The following MYT1L variants were observed in gnomAD, a reference collection of about 807,000 sequenced individuals.
The protein encoded by MYT1L is myelin transcription factor 1 like, also known as myelin transcription factor 1-like protein.
A neutral mutation model predicts 126.7 loss-of-function variants in MYT1L; 12 were observed. The ratio of observed to expected loss-of-function variants is 0.09; its 90% CI spans 0.06 to 0.15. The LOEUF (loss-of-function observed/expected upper bound fraction) is 0.15, where lower values mean the gene tolerates loss of function less well. Among genes scored for constraint, MYT1L ranks in the 10% least tolerant of loss-of-function variants. The pLI is 1.00. For synonymous variants in MYT1L, 541 were observed against 604.2 expected (o/e 0.90, Z 1.53); for missense variants, 979 against 1,585.2 (o/e 0.62, Z 6.49).
intron 3 of MYT1L, among the ~76,000 whole-genome samples, chr2:2,155,399 T>C (rs975778067): frequency 2.0e-5 from 3 of 152,148 alleles, no homozygotes; most frequent in African/African-American, 7.2e-5. Context: ...ATATAAGCCA[T>C]GTAAGATGAA....
chr2:2,275,535 G>T (rs1204974402), intron 2 of MYT1L, among the ~76,000 whole-genome samples: 1 of 152,034 alleles, frequency 6.6e-6, no homozygotes, highest in Non-Finnish European at 1.5e-5. Context: ...GAGGGAAAGT[G>T]GTTTCCTAGA....
At chr2:2,010,474 G>A (rs1208649982) in intron 4 of MYT1L, among the ~76,000 whole-genome samples, 3 of 152,074 alleles carry the variant, frequency 2.0e-5, no homozygotes, top group Non-Finnish European at 4.4e-5. Context: ...ACAGCAGTGT[G>A]CTAGGAAGAA....
chr2:1,807,443 A>C (rs2035894320), intron 22 of MYT1L, among the ~76,000 whole-genome samples: 1 of 152,058 alleles, frequency 6.6e-6, no homozygotes, highest in Non-Finnish European at 1.5e-5. Flanking sequence ...GCCCTTTGGT[A>C]AAGGTACAGC....
Position 1,889,340 on chromosome 2 carries a change from C to G in MYT1L, c.2421G>C (p.Arg807=). The change falls in exon 16 of 25, where the codon CGG becomes CGC. Residue 807 remains arginine, a synonymous_variant. Coordinates refer to ENST00000647738, the MANE Select transcript of MYT1L (RefSeq NM_001303052.2). The surrounding 1 kb of genome is among the most constrained non-coding windows in gnomAD (Gnocchi z 4.1). ...SPQQQAVMNN[R]CFQLGEGDCW... ...AGTCGCCCTCGCCCAGCTGGAAACA[C>G]CGGTTGTTCATCACTGCCTGCTGCT... The G allele has an allele frequency of 6.2e-7, 1 of 1,613,932 alleles. No individual in the cohort carries two copies. The highest frequency in any genetic ancestry group is 8.5e-7 in the Non-Finnish European group (1 of 1,179,906).
chr2:2,132,849 T>A, intron 3 of MYT1L, among the ~76,000 whole-genome samples: 1 of 152,172 alleles, frequency 6.6e-6, no homozygotes, highest in Non-Finnish European at 1.5e-5. Flanking sequence ...TCAAGGCATC[T>A]ATGGAATCAG....
chr2:1,862,878 G>C (rs921856881), intron 18 of MYT1L, among the ~76,000 whole-genome samples: 1 of 152,150 alleles, frequency 6.6e-6, no homozygotes, highest in South Asian at 2.1e-4. Context: ...AGAGAGGTGA[G>C]TAGGGAAGAT....
chr2:2,126,214 G>A (rs911902479), intron 3 of MYT1L, among the ~76,000 whole-genome samples: 4 of 152,172 alleles, frequency 2.6e-5, no homozygotes, highest in African/African-American at 7.2e-5. Context: ...GCCCACGACT[G>A]CCTTTTTAGG....
intron 3 of MYT1L, among the ~76,000 whole-genome samples, chr2:2,070,983 A>G (rs2150230985): frequency 6.6e-6 from 1 of 152,324 alleles, no homozygotes; most frequent in East Asian, 1.9e-4. Context: ...AATACAAGGT[A>G]AGAATGATTA....
In MYT1L at chr2:2,257,873, A is replaced by G. The variant is rs1335355622; in HGVS notation, c.-421+26531T>C. Among the ~76,000 whole-genome samples the G allele has an allele frequency of 2.7e-5, 4 of 147,950 alleles. No individual in the cohort carries two copies. In the South Asian group the frequency reaches 6.5e-4, roughly 24 times the overall value. ...CATCAAGCTACCAATGACTTTCTTC[A>G]CAGAATTGGAAAAAACTACTTTAAA... On this transcript the variant is annotated intron_variant, in intron 2 of 24. Transcript: ENST00000647738.
intron 2 of MYT1L, among the ~76,000 whole-genome samples, chr2:2,205,417 G>C (rs1341094494): frequency 6.6e-6 from 1 of 152,084 alleles, no homozygotes; most frequent in Non-Finnish European, 1.5e-5. Flanking sequence ...GATTCTAGTA[G>C]GATGTAAGTA....
At chr2:1,940,161 T>A (rs979308115) in intron 9 of MYT1L, among the ~76,000 whole-genome samples, 5 of 152,244 alleles carry the variant, frequency 3.3e-5, no homozygotes, top group African/African-American at 9.6e-5. Context: ...TGCACCTGTC[T>A]CACACTGGTA....
intron 4 of MYT1L, among the ~76,000 whole-genome samples, chr2:2,029,607 C>G (rs886475941): frequency 1.3e-5 from 2 of 152,144 alleles, no homozygotes; most frequent in South Asian, 4.1e-4. Context: ...AAAGCCGTAT[C>G]GATGTGCATA....
intron 3 of MYT1L, among the ~76,000 whole-genome samples, chr2:2,127,466 T>G (rs1316973871): frequency 1.3e-5 from 2 of 152,202 alleles, no homozygotes; most frequent in African/African-American, 4.8e-5. Context: ...ATTTTGTAAC[T>G]CTACAAAGCT....
intron 18 of MYT1L, among the ~76,000 whole-genome samples, chr2:1,856,373 C>T (rs1471029443): frequency 1.3e-5 from 2 of 152,134 alleles, no homozygotes; most frequent in African/African-American, 2.4e-5. Context: ...TAAGATGTGT[C>T]GGCTAACATA....
At chr2:1,915,571 C>T (rs1247621466) in intron 11 of MYT1L, among the ~76,000 whole-genome samples, 1 of 152,192 alleles carries the variant, frequency 6.6e-6, no homozygotes, top group Non-Finnish European at 1.5e-5. Context: ...ACTCTTTCTT[C>T]TTAAAACACT....
intron 3 of MYT1L, among the ~76,000 whole-genome samples, chr2:2,117,152 C>T (rs1392741513): frequency 6.6e-6 from 1 of 152,194 alleles, no homozygotes; most frequent in Non-Finnish European, 1.5e-5. Flanking sequence ...GGGTCTCTTG[C>T]CAGAGCCACG....
intron 18 of MYT1L, among the ~76,000 whole-genome samples, chr2:1,864,839 G>C (rs917784291): frequency 4.6e-5 from 7 of 152,214 alleles, no homozygotes; most frequent in Admixed American, 3.3e-4. Context: ...CCACATGCCA[G>C]GCTCGCAGAG....
chr2:2,088,877 C>T lies in MYT1L; in HGVS notation c.-303-34754G>A, dbSNP rs1195359457. Among the ~76,000 whole-genome samples the T allele has an allele frequency of 5.3e-5, 8 of 152,270 alleles. No individual in the cohort carries two copies. The East Asian group carries it at 1.4e-3, about 26-fold the overall frequency. ...TTTTTAAAATCAAACCATAAGAAAA[C>T]AGCACTCTCAAGTATCCTACAAATA... On this transcript the variant is annotated intron_variant, in intron 3 of 24. Transcript: ENST00000647738.
At chr2:1,945,766 T>G (rs2057153474) in intron 8 of MYT1L, among the ~76,000 whole-genome samples, 1 of 152,104 alleles carries the variant, frequency 6.6e-6, no homozygotes, top group African/African-American at 2.4e-5. Flanking sequence ...ACAAGAAACT[T>G]TTGCTATTTT....
Sources: gnomAD v4.1 joint callset for allele counts (sites outside exome capture counted in the v4.1 genomes callset) on GRCh38, gnomAD v4.1.1 for gene constraint, Gnocchi (gnomAD v3.1) non-coding constraint, MANE v1.5 for transcripts, NCBI Gene and HGNC (gene_info 2026-07-23, HGNC 2026-07-21) for gene names.